RIPK1: variants seen among roughly 807,000 people sequenced by gnomAD.
The protein encoded by RIPK1 is receptor-interacting serine/threonine-protein kinase 1.
RIPK1 carries 27 observed loss-of-function variants against 62.4 expected under a neutral mutation model. The ratio of observed to expected loss-of-function variants is 0.43; its 90% CI spans 0.32 to 0.60. RIPK1 has a LOEUF of 0.60. RIPK1 is among the 20% of genes least tolerant of loss of function. The pLI is 0.07. For missense variants in RIPK1, 735 were observed against 831.0 expected, an observed-to-expected ratio of 0.88 and a Z score of 1.42; for synonymous variants, 287 against 303.2, an observed-to-expected ratio of 0.95 and a Z score of 0.55.
chr6:3,079,178 C>T (rs1323160853), intron 3 of RIPK1, among the ~76,000 whole-genome samples: 1 of 152,148 alleles, frequency 6.6e-6, no homozygotes, highest in African/African-American at 2.4e-5. Context: ...CTCCCTGGTT[C>T]AAGCAACTCT....
rs111604018 is a variant in RIPK1 at position 3,077,456 on chromosome 6, GT to G, written c.165-309del. ...TGTCAGAGTGGTTTTGAGAGAGGCTGTTTTTTTTTTTTTTAATCGTTCTGTC... is the reference window on the plus strand; with the variant it reads ...TGTCAGAGTGGTTTTGAGAGAGGCTGTTTTTTTTTTTTTAATCGTTCTGTC... On this transcript the variant is annotated intron_variant, in intron 2 of 10. Transcript: ENST00000259808. 3.4e-3 allele frequency among the ~76,000 whole-genome samples: 485 copies of G among 141,554 alleles called. 1 individual carries two copies. The highest frequency in any genetic ancestry group is 4.9e-3 in the African/African-American group (192 of 39,220). 92.9% of individuals were successfully genotyped at this position (141,554 alleles called of 152,430 possible).
At chr6:3,067,754 CCTTTT>C (rs1201912541), upstream of RIPK1, among the ~76,000 whole-genome samples, 2 of 109,046 alleles carry the variant, frequency 1.8e-5, no homozygotes, top group East Asian at 5.1e-4. Context: ...TTTTTTTTTT[CCTTTT>C]GAGACGGAAT....
intron 7 of RIPK1, among the ~76,000 whole-genome samples, chr6:3,098,117 T>G (rs966692343): frequency 6.6e-6 from 1 of 151,944 alleles, no homozygotes; most frequent in Non-Finnish European, 1.5e-5. Flanking sequence ...GATGACTGCT[T>G]GGGCCCAGGA....
intron 9 of RIPK1, among the ~76,000 whole-genome samples, chr6:3,106,463 T>A (rs17548545): frequency 5.4e-4 from 82 of 152,322 alleles, no homozygotes; most frequent in African/African-American, 1.9e-3. Flanking sequence ...AAGACTACCA[T>A]TAGTGATGAA....
intron 4 of RIPK1, among the ~76,000 whole-genome samples, chr6:3,081,860 TAAAAAAAAAAAAAAAAAAAAAAAAAAAAA>T (rs58330257): frequency 1.9e-3 from 43 of 22,870 alleles, no homozygotes; most frequent in East Asian, 0.011. Flanking sequence ...AACTCTGCCT[TAAAAAAAAAAAAAAAAAAAAAAAAAAAAA>T]AAAAAAAAAA....
chr6:3,075,839 C>CT (rs10602513), intron 1 of RIPK1, among the ~76,000 whole-genome samples: 6 of 147,288 alleles, frequency 4.1e-5, no homozygotes, highest in African/African-American at 1.0e-4. Context: ...TTTGCACAAA[C>CT]TTTTTTTTTT....
At chr6:3,096,257 A>T (rs1760285128) in intron 7 of RIPK1, among the ~76,000 whole-genome samples, 1 of 152,172 alleles carries the variant, frequency 6.6e-6, no homozygotes, top group African/African-American at 2.4e-5. Context: ...GAGATATAGG[A>T]TTGGAAAAGA....
intron 7 of RIPK1, among the ~76,000 whole-genome samples, chr6:3,101,835 T>C (rs951091102): frequency 1.3e-5 from 2 of 152,222 alleles, no homozygotes; most frequent in Non-Finnish European, 2.9e-5. Flanking sequence ...AAGTGAACAA[T>C]CCAGTGGCAT....
chr6:3,095,583 A>G (rs1561766633), intron 7 of RIPK1, among the ~76,000 whole-genome samples: 1 of 152,234 alleles, frequency 6.6e-6, no homozygotes, highest in Non-Finnish European at 1.5e-5. Flanking sequence ...TTCATCAAAG[A>G]ACAAACGCAA....
rs1156290604 is a variant in RIPK1, at chr6:3,068,615, A to G, written c.-107A>G. On this transcript the variant is annotated 5_prime_UTR_variant, in exon 1 of 11. Transcript: ENST00000259808. ...GCGGCCATCCGGGCGGGGCCGACGG[A>G]GCGCGGCAGGACTTGGCTGGACGGC... The G allele has an allele frequency of 8.1e-6, 8 of 984,900 alleles. No individual in the cohort carries two copies. Among genetic ancestry groups the G allele is most frequent in the Non-Finnish European group, 8.4e-6 (7 of 829,880 alleles). The allele number at this position is 984,900 out of a possible 1,614,324, so 61.0% of individuals were successfully genotyped here.
chr6:3,066,325 G>C (rs1484640355), upstream of RIPK1, among the ~76,000 whole-genome samples: 2 of 152,206 alleles, frequency 1.3e-5, no homozygotes. Flanking sequence ...CACACGGCCA[G>C]AACATAGAGA....
chr6:3,087,906 T>G (rs1013043521), intron 6 of RIPK1, among the ~76,000 whole-genome samples: 2 of 152,232 alleles, frequency 1.3e-5, no homozygotes, highest in Admixed American at 1.3e-4. Context: ...TCCCCTTTTT[T>G]GCTGAGACTT....
intron 5 of RIPK1, 98 bp downstream of exon 5, chr6:3,083,411 A>G: frequency 1.1e-6 from 1 of 902,306 alleles, no homozygotes; most frequent in East Asian, 2.6e-5. Context: ...TGAATGAATG[A>G]GTAATCCCAT....
rs562533852 is a variant in RIPK1 at position 3,083,072 on chromosome 6, A to G, written c.460-13A>G. ...TTCACCAAACAATCCCAGTGGCTCA[A>G]TGTCTTTCGCAGATCGCAGACCTCG... On this transcript the variant is annotated splice_polypyrimidine_tract_variant and intron_variant, in intron 4 of 10. Coordinates refer to ENST00000259808, the MANE Select transcript of RIPK1 (RefSeq NM_001354930.2). The G allele has an allele frequency of 7.4e-6, 12 of 1,613,268 alleles. No individual in the cohort carries two copies. Among genetic ancestry groups the G allele is most frequent in the South Asian group, 1.1e-5 (1 of 91,062 alleles).
chr6:3,107,294 C>T (rs1448447420), intron 9 of RIPK1, among the ~76,000 whole-genome samples: 4 of 148,048 alleles, frequency 2.7e-5, no homozygotes, highest in South Asian at 2.1e-4. Flanking sequence ...CAGTGGCTCA[C>T]GCCTGTAATT....
At chr6:3,085,192 G>A (rs1759623905) in intron 5 of RIPK1, 67 bp from the exon 6 acceptor site, 21 of 1,575,454 alleles carry the variant, frequency 1.3e-5, no homozygotes, top group Non-Finnish European at 1.8e-5. Flanking sequence ...GAGCAGTATT[G>A]TTCAAGTTCT....
At position 3,076,699 on chromosome 6, in the gene RIPK1, C is replaced by CATATAT. The variant is rs10526418; in HGVS notation, c.-60-43_-60-38dup. 969 of 217,654 alleles carry CATATAT rather than the reference C, an allele frequency of 4.5e-3. 14 individuals are homozygous for CATATAT. The highest frequency in any genetic ancestry group is 9.1e-3 in the South Asian group (79 of 8,720). The allele number at this position is 217,654 out of a possible 1,614,324, so 13.5% of individuals were successfully genotyped here. A position where few individuals can be genotyped will look rare whatever the true frequency, so the allele number is the denominator to read the frequency against. On this transcript the variant is annotated intron_variant, in intron 1 of 10. Coordinates refer to ENST00000259808, the MANE Select transcript of RIPK1 (RefSeq NM_001354930.2). ...TGTCTCCAAAGGAGAAAAAAAAAAA[C>CATATAT]ATATATATATATATATATATATATA...
At chr6:3,095,599 G>A (rs1004919704) in intron 7 of RIPK1, among the ~76,000 whole-genome samples, 4 of 152,000 alleles carry the variant, frequency 2.6e-5, no homozygotes, top group Admixed American at 1.3e-4. Context: ...CGCAAAATTC[G>A]GTTTCTGCCA....
upstream of RIPK1, chr6:3,068,112 G>A: frequency 1.5e-6 from 1 of 687,986 alleles, no homozygotes; most frequent in Non-Finnish European, 1.8e-6. Context: ...AACTTTGCTC[G>A]AGACTTCACA....
Sources: gnomAD v4.1 joint callset for allele counts (sites outside exome capture counted in the v4.1 genomes callset) on GRCh38, gnomAD v4.1.1 for gene constraint, MANE v1.5 for transcripts, NCBI Gene and HGNC (gene_info 2026-07-23, HGNC 2026-07-21) for gene names.